UPF2: variants seen among roughly 807,000 people sequenced by gnomAD.
The protein encoded by UPF2 is regulator of nonsense transcripts 2.
Under a neutral mutation model 141.4 loss-of-function variants are expected in UPF2, and 17 were observed. The ratio of observed to expected loss-of-function variants is 0.12; its 90% CI spans 0.08 to 0.18. The LOEUF is 0.18. UPF2 is among the 10% of genes least tolerant of loss of function. UPF2 has a pLI of 1.00. For synonymous variants in UPF2, 540 were observed against 498.0 expected, an observed-to-expected ratio of 1.08 and a Z score of -1.12; for missense variants, 1,152 against 1,515.9, an observed-to-expected ratio of 0.76 and a Z score of 3.99.
Position 11,979,954 on chromosome 10 carries a change from C to A in UPF2, c.1845-789G>T, listed in dbSNP as rs745935363. Among the ~76,000 whole-genome samples, 1 of 152,144 alleles carries A rather than the reference C, an allele frequency of 6.6e-6. No homozygotes were observed. The highest frequency in any genetic ancestry group is 1.5e-5 in the Non-Finnish European group (1 of 68,016). On this transcript the variant is annotated intron_variant, in intron 8 of 21. Coordinates refer to ENST00000357604, the MANE Select transcript of UPF2 (RefSeq NM_015542.4). This position sits in a 1 kb window ranked among gnomAD's most constrained non-coding sequence, Gnocchi z 6.2. ...TACTCAATAACTGAAAAAACCTCTA[C>A]GAAGGCAAAATAATATTACAAAATC...
intron 2 of UPF2, among the ~76,000 whole-genome samples, chr10:12,029,759 C>G (rs1429816590): frequency 6.6e-6 from 1 of 152,022 alleles, no homozygotes; most frequent in Non-Finnish European, 1.5e-5. Context: ...GTCAGGAGTT[C>G]AAGGCCAGCG....
chr10:11,989,206 T>C (rs1446561785), intron 8 of UPF2, among the ~76,000 whole-genome samples: 5 of 152,154 alleles, frequency 3.3e-5, no homozygotes, highest in South Asian at 2.1e-4. Context: ...TTTAAAAAGA[T>C]TGAGAAAGTT....
At chr10:11,985,401 G>A (rs1414710235) in intron 8 of UPF2, among the ~76,000 whole-genome samples, 3 of 152,100 alleles carry the variant, frequency 2.0e-5, no homozygotes, top group African/African-American at 7.2e-5. Flanking sequence ...ACTTTGGGAG[G>A]CAGAGGCTGG....
At position 11,942,342 on chromosome 10, in the gene UPF2, C is replaced by A. The variant is rs1446705606; in HGVS notation, c.3378+323G>T. Among the ~76,000 whole-genome samples, 71 of 151,994 alleles carry A rather than the reference C, an allele frequency of 4.7e-4. 1 individual carries two copies. The highest frequency in any genetic ancestry group is 2.9e-5 in the Non-Finnish European group (2 of 67,958). On this transcript the variant is annotated intron_variant, in intron 18 of 21. Transcript: ENST00000357604. ...GAGCTGAGATCGTGCCACTGCACTCCAGCCTGGGCAACAGAGTGAGACTCT... is the reference window on the plus strand; with the variant it reads ...GAGCTGAGATCGTGCCACTGCACTCAAGCCTGGGCAACAGAGTGAGACTCT...
At chr10:11,973,740 C>T (rs1833457986) in intron 9 of UPF2, among the ~76,000 whole-genome samples, 1 of 152,098 alleles carries the variant, frequency 6.6e-6, no homozygotes. Flanking sequence ...TTCCATTGGT[C>T]TATATCTCTA....
rs537558799 is a variant in UPF2, at chr10:11,921,696, C to G, written c.3810-389G>C. 6.6e-6 allele frequency among the ~76,000 whole-genome samples: 1 copy of G among 152,144 alleles called. No homozygotes were observed. The highest frequency in any genetic ancestry group is 2.1e-4 in the South Asian group (1 of 4,828). ...CTGAGGGGATCCAGGAAGCAACCCC[C>G]TGTGGATACCGAGGACAACTGTAGT... On this transcript the variant is annotated intron_variant, in intron 21 of 21. Coordinates refer to ENST00000357604, the MANE Select transcript of UPF2 (RefSeq NM_015542.4). This position sits in a 1 kb window ranked among gnomAD's most constrained non-coding sequence, Gnocchi z 5.9.
chr10:12,033,535 G>A (rs1008172292), intron 2 of UPF2, among the ~76,000 whole-genome samples: 3 of 152,074 alleles, frequency 2.0e-5, no homozygotes, highest in African/African-American at 7.2e-5. Context: ...CTCTTGTTAT[G>A]TTACCAGGCA....
intron 4 of UPF2, among the ~76,000 whole-genome samples, chr10:12,006,512 A>G (rs1051637482): frequency 9.9e-5 from 15 of 152,192 alleles, no homozygotes; most frequent in Admixed American, 6.5e-5. Flanking sequence ...CAAAAAAAAC[A>G]CTGGCTCCTC....
In UPF2 at chr10:11,920,473, C is replaced by T. The variant is rs978556963; in HGVS notation, c.*825G>A. ...TTCTCATCCACTTCTTGTTGTCCTT[C>T]GTTCGTTTTCTGTGACATGTTGACG... On this transcript the variant is annotated 3_prime_UTR_variant, in exon 22 of 22. Coordinates refer to ENST00000357604, the MANE Select transcript of UPF2 (RefSeq NM_015542.4). The T allele has an allele frequency of 3.3e-5, 5 of 152,602 alleles. No homozygotes were observed. The highest frequency in any genetic ancestry group is 1.2e-4 in the African/African-American group (5 of 41,436). 9.5% of individuals were successfully genotyped at this position (152,602 alleles called of 1,614,324 possible). A position where few individuals can be genotyped will look rare whatever the true frequency, so the allele number is the denominator to read the frequency against.
chr10:11,943,246 A>C, intron 16 of UPF2, 78 bp from the exon 17 acceptor site: 1 of 1,198,602 alleles, frequency 8.3e-7, no homozygotes, highest in Non-Finnish European at 1.2e-6. Context: ...AAAGATTTCA[A>C]AACTTCTGTA....
At chr10:11,930,088 C>T (rs1450485540) in intron 20 of UPF2, 103 bp from the exon 21 acceptor site, 1 of 1,522,438 alleles carries the variant, frequency 6.6e-7, no homozygotes, top group African/African-American at 1.4e-5. Flanking sequence ...TTAGTCCTGT[C>T]AGGGAGCTGA....
At chr10:12,023,705 T>C (rs1321277004) in intron 3 of UPF2, among the ~76,000 whole-genome samples, 1 of 118,700 alleles carries the variant, frequency 8.4e-6, no homozygotes, top group Non-Finnish European at 1.8e-5. Flanking sequence ...AAAAAAAAGA[T>C]ATTGGCCAAG....
At chr10:11,965,139 A>G (rs1301456578) in intron 10 of UPF2, among the ~76,000 whole-genome samples, 2 of 152,220 alleles carry the variant, frequency 1.3e-5, no homozygotes, top group Non-Finnish European at 2.9e-5. Flanking sequence ...AAATGGTGGG[A>G]CATACATCAT....
Position 12,035,156 on chromosome 10 carries a change from C to T in UPF2, c.268G>A (p.Glu90Lys), listed in dbSNP as rs150016697. 2,069 of 1,605,486 alleles carry T rather than the reference C, an allele frequency of 1.3e-3. 8 individuals carry two copies. The highest frequency in any genetic ancestry group is 3.7e-3 in the East Asian group (166 of 44,844). The change falls in exon 2 of 22, where the codon GAA (glutamate) becomes AAA (lysine). Residue 90 changes from glutamate to lysine, a missense_variant. Transcript: ENST00000357604. ...VKAEEESKKKEEEEKKKHQEE... is the reference protein window; with the variant it reads ...VKAEEESKKKKEEEKKKHQEE... ...TGATGTTTCTTTTTTTCTTCCTCTT[C>T]TTTTTTCTTTGATTCTTCCTCTGCC...
In UPF2 at chr10:11,952,224, A is replaced by G. The variant is rs1213463819; in HGVS notation, c.2876T>C (p.Leu959Ser). ...FQRYVWWKKS[L>S]EVWTKDHPFP... ...TGGATGGTCTTTTGTCCAAACCTCC[A>G]AACTTTTCTTCCACCAAACATAACG... Residue 959 changes from leucine to serine, a missense_variant, in exon 15 of 22, where the codon TTG becomes TCG. Physicochemically the swap from Leu to Ser is moderately radical, Grantham distance 145. Transcript: ENST00000357604. 5 of 1,609,160 alleles carry G rather than the reference A, an allele frequency of 3.1e-6. No homozygotes were observed. Among genetic ancestry groups the G allele is most frequent in the Non-Finnish European group, 4.2e-6 (5 of 1,178,490 alleles).
At chr10:12,007,187 T>C (rs1834048794) in intron 4 of UPF2, among the ~76,000 whole-genome samples, 1 of 152,124 alleles carries the variant, frequency 6.6e-6, no homozygotes, top group African/African-American at 2.4e-5. Context: ...AAATAATAAT[T>C]GAAACAATAA....
rs777591078 is a variant in UPF2, at chr10:11,936,718, A to C, written c.3379-6T>G. 8 of 1,601,188 alleles carry C rather than the reference A, an allele frequency of 5.0e-6. No individual in the cohort carries two copies. Among genetic ancestry groups the C allele is most frequent in the Non-Finnish European group, 6.8e-6 (8 of 1,174,788 alleles). On this transcript the variant is annotated splice_region_variant and splice_polypyrimidine_tract_variant and intron_variant, in intron 18 of 21. Transcript: ENST00000357604. This position sits in a 1 kb window ranked among gnomAD's most constrained non-coding sequence, Gnocchi z 6.6. ...ACAGATTCACCACTTCGTTGCTAAA[A>C]GAAATTAAAAAGGACATAATAAACA...
chr10:11,955,125 C>G (rs1443946423), intron 14 of UPF2, 107 bp downstream of exon 14: 1 of 1,078,760 alleles, frequency 9.3e-7, no homozygotes, highest in East Asian at 2.9e-5. Flanking sequence ...TAATTATGAA[C>G]ATATATATAA....
At chr10:11,949,263 C>A (rs952804309) in intron 15 of UPF2, among the ~76,000 whole-genome samples, 3 of 152,182 alleles carry the variant, frequency 2.0e-5, no homozygotes, top group Non-Finnish European at 4.4e-5. Flanking sequence ...CTAAGCCCTC[C>A]CCTGAAGTTG....
Sources: gnomAD v4.1 joint callset for allele counts (sites outside exome capture counted in the v4.1 genomes callset) on GRCh38, gnomAD v4.1.1 for gene constraint, Gnocchi (gnomAD v3.1) non-coding constraint, MANE v1.5 for transcripts, NCBI Gene and HGNC (gene_info 2026-07-23, HGNC 2026-07-21) for gene names.